SESN1: variants seen among roughly 807,000 people sequenced by gnomAD.
SESN1 encodes the protein sestrin-1.
Under a neutral mutation model 59.3 loss-of-function variants are expected in SESN1, and 30 were observed. The observed-to-expected ratio is 0.51, with a 90% CI of 0.38 to 0.69. The LOEUF (loss-of-function observed/expected upper bound fraction) is 0.69, where lower values mean the gene tolerates loss of function less well. Among genes scored for constraint, SESN1 ranks in the 30% least tolerant of loss-of-function variants. The pLI is 0.00. For missense variants in SESN1, 566 were observed against 673.0 expected (o/e 0.84, Z 1.76); for synonymous variants, 197 against 219.9 (o/e 0.90, Z 0.92).
chr6:109,092,818 A>G (rs1259258259), intron 1 of SESN1, among the ~76,000 whole-genome samples: 2 of 152,206 alleles, frequency 1.3e-5, no homozygotes, highest in Non-Finnish European at 2.9e-5. Context: ...GTGAGAAGAA[A>G]TATCCCAAGA....
intron 5 of SESN1, among the ~76,000 whole-genome samples, chr6:108,995,233 C>T (rs1225038688): frequency 4.6e-5 from 7 of 152,130 alleles, no homozygotes; most frequent in East Asian, 1.9e-4. Context: ...AGCAGAACTG[C>T]GTAAGATAAC....
intron 1 of SESN1, among the ~76,000 whole-genome samples, chr6:109,042,537 A>C (rs943781639): frequency 1.3e-5 from 2 of 151,606 alleles, no homozygotes; most frequent in African/African-American, 2.4e-5. Context: ...TTGCGAAAAA[A>C]AAAAAACAAA....
chr6:109,074,366 G>A (rs2114469247), intron 1 of SESN1, among the ~76,000 whole-genome samples: 1 of 152,188 alleles, frequency 6.6e-6, no homozygotes, highest in South Asian at 2.1e-4. Context: ...ATTTGGCCAA[G>A]ATGCTAAAAA....
intron 1 of SESN1, chr6:109,008,729 C>A: frequency 1.0e-6 from 1 of 974,058 alleles, no homozygotes; most frequent in Non-Finnish European, 1.2e-6. Context: ...GAAAAAAACA[C>A]AAAATGTTAC....
chr6:108,998,598 G>A lies in SESN1; in HGVS notation c.887C>T (p.Ser296Phe). The change falls in exon 5 of 10, where the codon TCT (serine) becomes TTT (phenylalanine). Residue 296 changes from serine (S) to phenylalanine (F), a missense_variant. Physicochemically the swap from Ser to Phe is radical, Grantham distance 155. Coordinates refer to ENST00000436639, the MANE Select transcript of SESN1 (RefSeq NM_014454.3). Reference protein sequence around the residue: ...CDGGHTFRPPSVSNYCICDIT... With the variant: ...CDGGHTFRPPFVSNYCICDIT... ...GTCACAGATGCAGTAGTTGCTAACA[G>A]AAGGAGGTCTGAATGTGTGGCCACC... is the stretch of plus-strand genomic sequence containing the variant. The A allele has an allele frequency of 6.2e-7, 1 of 1,613,934 alleles. No individual in the cohort carries two copies. Among genetic ancestry groups the A allele is most frequent in the Non-Finnish European group, 8.5e-7 (1 of 1,179,840 alleles).
intron 1 of SESN1, among the ~76,000 whole-genome samples, chr6:109,017,886 C>T (rs1439275501): frequency 2.6e-5 from 4 of 152,018 alleles, no homozygotes; most frequent in Non-Finnish European, 4.4e-5. Flanking sequence ...TAATTCCTGG[C>T]GAGGCACAGT....
At chr6:109,075,265 G>A (rs1781013832) in intron 1 of SESN1, among the ~76,000 whole-genome samples, 1 of 152,142 alleles carries the variant, frequency 6.6e-6, no homozygotes, top group Non-Finnish European at 1.5e-5. Context: ...TTAGGGTAAT[G>A]GTTCCCAATG....
chr6:109,024,738 TTGTC>T (rs1482402306), intron 1 of SESN1, among the ~76,000 whole-genome samples: 5 of 152,252 alleles, frequency 3.3e-5, no homozygotes, highest in East Asian at 3.9e-4. Context: ...AGAGTATTGG[TTGTC>T]TGTCTTTGTG....
At chr6:109,051,157 A>C (rs1780534624) in intron 1 of SESN1, among the ~76,000 whole-genome samples, 1 of 150,084 alleles carries the variant, frequency 6.7e-6, no homozygotes. Context: ...AAACAAAAAA[A>C]AACAACAAAA....
chr6:109,027,318 TA>T (rs890456284), intron 1 of SESN1, among the ~76,000 whole-genome samples: 1 of 150,576 alleles, frequency 6.6e-6, no homozygotes, highest in Admixed American at 6.6e-5. Context: ...ACTAAAAATA[TA>T]AAAAAAATTT....
intron 1 of SESN1, among the ~76,000 whole-genome samples, chr6:109,064,573 G>C (rs1209452417): frequency 2.5e-5 from 2 of 80,670 alleles, no homozygotes; most frequent in East Asian, 3.7e-4. Flanking sequence ...GAGAGGAGGG[G>C]AGAGGAGAGG....
intron 1 of SESN1, among the ~76,000 whole-genome samples, chr6:109,020,207 T>C (rs1779988986): frequency 6.6e-6 from 1 of 152,124 alleles, no homozygotes; most frequent in South Asian, 2.1e-4. Context: ...TTATGTATTG[T>C]CACAAGAGAA....
At chr6:109,028,870 G>A (rs1300098151) in intron 1 of SESN1, among the ~76,000 whole-genome samples, 1 of 152,126 alleles carries the variant, frequency 6.6e-6, no homozygotes, top group East Asian at 1.9e-4. Flanking sequence ...ATCTGCAGCT[G>A]AAGAAATGAA....
intron 1 of SESN1, among the ~76,000 whole-genome samples, chr6:109,020,923 A>G (rs761744181): frequency 2.6e-5 from 4 of 152,184 alleles, no homozygotes; most frequent in African/African-American, 4.8e-5. Context: ...GTAGTTCCCT[A>G]AAAAAGGAAT....
intron 1 of SESN1, among the ~76,000 whole-genome samples, chr6:109,044,311 CAAAAAAAAAAAAAAAAA>C (rs71015570): frequency 0.04 from 1,129 of 28,404 alleles, 20 homozygotes; most frequent in Non-Finnish European, 0.046. Context: ...GAACTTGCCT[CAAAAAAAAAAAAAAAAA>C]AAAAAAAAAA....
At chr6:109,027,863 CATATAT>C (rs879727905) in intron 1 of SESN1, among the ~76,000 whole-genome samples, 3 of 151,944 alleles carry the variant, frequency 2.0e-5, no homozygotes, top group African/African-American at 7.2e-5. Flanking sequence ...CATTTAAATA[CATATAT>C]ATATATTTGT....
chr6:109,028,043 A>G (rs1489717336), intron 1 of SESN1, among the ~76,000 whole-genome samples: 2 of 151,954 alleles, frequency 1.3e-5, no homozygotes, highest in Non-Finnish European at 2.9e-5. Context: ...TCTTTTGAAA[A>G]TCATGTTTTA....
At chr6:109,024,389 A>C (rs1323332029) in intron 1 of SESN1, among the ~76,000 whole-genome samples, 1 of 152,196 alleles carries the variant, frequency 6.6e-6, no homozygotes, top group Non-Finnish European at 1.5e-5. Flanking sequence ...CAGAAATAAG[A>C]ACTTGGATAG....
At position 108,987,468 on chromosome 6, in the gene SESN1, C is replaced by T; in HGVS notation, c.*76G>A. 1.4e-6 allele frequency: 1 copy of T among 731,974 alleles called. No homozygotes were observed. The highest frequency in any genetic ancestry group is 2.3e-6 in the Non-Finnish European group (1 of 432,942). The allele number at this position is 731,974 out of a possible 1,614,324, so 45.3% of individuals were successfully genotyped here. A position where few individuals can be genotyped will look rare whatever the true frequency, so the allele number is the denominator to read the frequency against. On this transcript the variant is annotated 3_prime_UTR_variant, in exon 10 of 10. Coordinates refer to ENST00000436639, the MANE Select transcript of SESN1 (RefSeq NM_014454.3). ...TGAATTATTTTGTCTACCATTGGTC[C>T]TGGGGCTTAGTACCTTCCCCCTTGT...
Sources: allele counts gnomAD v4.1 joint callset (sites outside exome capture counted in the v4.1 genomes callset), GRCh38; gene constraint gnomAD v4.1.1; transcripts MANE v1.5; gene names NCBI Gene and HGNC (gene_info 2026-07-23, HGNC 2026-07-21).